PAMR1: variants seen among roughly 807,000 people sequenced by gnomAD.
PAMR1 encodes the protein inactive serine protease PAMR1.
Under a neutral mutation model 81.8 loss-of-function variants are expected in PAMR1, and 88 were observed. The ratio of observed to expected loss-of-function variants is 1.08; its 90% confidence interval spans 0.91 to 1.28. The LOEUF is 1.28. Ranked by LOEUF, PAMR1 falls within the 50% of genes most tolerant of loss-of-function variation. The pLI is 0.00. For synonymous variants in PAMR1, 336 were observed against 345.3 expected, an observed-to-expected ratio of 0.97 and a Z score of 0.30; for missense variants, 935 against 919.7, an observed-to-expected ratio of 1.02 and a Z score of -0.21.
chr11:35,454,820 C>T (rs1856494681), intron 6 of PAMR1, among the ~76,000 whole-genome samples: 1 of 152,140 alleles, frequency 6.6e-6, no homozygotes, highest in Admixed American at 6.5e-5. Flanking sequence ...TTCCAACCTC[C>T]ACAAATATGC....
intron 1 of PAMR1, among the ~76,000 whole-genome samples, chr11:35,523,962 C>T (rs1329646470): frequency 6.6e-6 from 1 of 152,076 alleles, no homozygotes; most frequent in Non-Finnish European, 1.5e-5. Flanking sequence ...TTCTTTTAAA[C>T]TTTTATGGCT....
chr11:35,445,156 T>C (rs1445945811), intron 6 of PAMR1, among the ~76,000 whole-genome samples: 1 of 152,234 alleles, frequency 6.6e-6, no homozygotes, highest in South Asian at 2.1e-4. Context: ...GTTGTTGATG[T>C]ATAGGAATGC....
rs1477765854 is a variant in PAMR1, at chr11:35,525,529, G to A, written c.57C>T (p.Ile19=). ...TCACAGTACCTCTTGGCAAGGACGA[G>A]ATGAGAAGGAGCTGAAGAAAAGTGA... ...LGLTFLQLLL[I]SSLPREYTVI... The change falls in exon 1 of 11, where the codon ATC becomes ATT. Residue 19 remains isoleucine, a synonymous_variant. Coordinates refer to ENST00000619888, the MANE Select transcript of PAMR1 (RefSeq NM_001001991.3). 2.5e-6 allele frequency: 4 copies of A among 1,613,974 alleles called. No individual in the cohort carries two copies. The highest frequency in any genetic ancestry group is 2.2e-5 in the East Asian group (1 of 44,854).
chr11:35,524,933 T>C (rs1851356427), intron 1 of PAMR1, among the ~76,000 whole-genome samples: 1 of 152,222 alleles, frequency 6.6e-6, no homozygotes, highest in Non-Finnish European at 1.5e-5. Context: ...GGCTTTTTCT[T>C]CTTTCTCACT....
intron 3 of PAMR1, among the ~76,000 whole-genome samples, chr11:35,475,605 G>A (rs1023602549): frequency 2.0e-5 from 3 of 152,120 alleles, no homozygotes; most frequent in Admixed American, 6.5e-5. Flanking sequence ...AAAAGTTTGG[G>A]GAAAATGTCT....
At chr11:35,438,129 T>G (rs1435418742) in intron 8 of PAMR1, among the ~76,000 whole-genome samples, 1 of 152,220 alleles carries the variant, frequency 6.6e-6, no homozygotes, top group East Asian at 1.9e-4. Context: ...ACTCAAAGTA[T>G]AGTGCATACG....
At chr11:35,469,804 T>G (rs1373887813) in intron 5 of PAMR1, among the ~76,000 whole-genome samples, 1 of 87,142 alleles carries the variant, frequency 1.1e-5, no homozygotes, top group Non-Finnish European at 2.9e-5. Context: ...TTAATTCAGT[T>G]TTTTTTTTTA....
chr11:35,489,552 A>G (rs376062255), intron 3 of PAMR1, among the ~76,000 whole-genome samples: 6 of 152,264 alleles, frequency 3.9e-5, no homozygotes, highest in African/African-American at 1.4e-4. Context: ...CCCCAGATTA[A>G]ACCATCCTTC....
rs1251509659 is a variant in PAMR1 at position 35,441,666 on chromosome 11, G to C, written c.848C>G (p.Pro283Arg). 6.2e-7 allele frequency: 1 copy of C among 1,612,704 alleles called. No homozygotes were observed. Among genetic ancestry groups the C allele is most frequent in the Admixed American group, 1.7e-5 (1 of 59,782 alleles). ...NLLEERNCSDPGGPVNGYQKI... is the reference protein window; with the variant it reads ...NLLEERNCSDRGGPVNGYQKI... ...CTGGTACCCATTGACTGGGCCCCCA[G>C]GGTCTGAGCAGTTTCTTTCTTCAAG... The change falls in exon 7 of 11, where the codon CCT becomes CGT. Residue 283 changes from proline to arginine, a missense_variant. Coordinates refer to ENST00000619888, the MANE Select transcript of PAMR1 (RefSeq NM_001001991.3).
At position 35,523,798 on chromosome 11, in the gene PAMR1, C is replaced by T. The variant is rs1238605508; in HGVS notation, c.73+1715G>A. 3.3e-5 allele frequency among the ~76,000 whole-genome samples: 5 copies of T among 152,176 alleles called. No individual in the cohort carries two copies. In the East Asian group the frequency reaches 5.8e-4, roughly 18 times the overall value. On this transcript the variant is annotated intron_variant, in intron 1 of 10. Coordinates refer to ENST00000619888, the MANE Select transcript of PAMR1 (RefSeq NM_001001991.3). ...TATCCTTGCTAAACACATGAAGCTGCGCTCTGGTTCAGGCAGCAGTTTAGC... is the reference window on the plus strand; with the variant it reads ...TATCCTTGCTAAACACATGAAGCTGTGCTCTGGTTCAGGCAGCAGTTTAGC...
intron 6 of PAMR1, among the ~76,000 whole-genome samples, chr11:35,455,976 A>C (rs1327486163): frequency 3.9e-5 from 6 of 152,052 alleles, no homozygotes; most frequent in Admixed American, 3.3e-4. Flanking sequence ...ACCCAACACA[A>C]TCTTTTTCAA....
In PAMR1 at chr11:35,432,819, A is replaced by G; in HGVS notation, c.1700T>C (p.Leu567Pro). The change falls in exon 11 of 11, where the codon CTA (leucine) becomes CCA (proline). Residue 567 changes from leucine (L) to proline (P), a missense_variant. Leu to Pro is a moderately conservative substitution (Grantham distance 98). Transcript: ENST00000619888. The stretch of plus-strand genomic sequence containing the variant: ...TCGGGTGCTGATACGGGCCTTGTCT[A>G]GGAGCTTCAGGATGGCGATGTCAGC... Reference protein sequence around the residue: ...LDADIAILKLLDKARISTRVQ... With the variant: ...LDADIAILKLPDKARISTRVQ... 6.2e-7 allele frequency: 1 copy of G among 1,605,176 alleles called. No individual in the cohort carries two copies. The highest frequency in any genetic ancestry group is 8.5e-7 in the Non-Finnish European group (1 of 1,179,852).
At chr11:35,444,035 A>G (rs1438775613) in intron 6 of PAMR1, among the ~76,000 whole-genome samples, 2 of 152,188 alleles carry the variant, frequency 1.3e-5, no homozygotes, top group Non-Finnish European at 2.9e-5. Context: ...CCATATAGCC[A>G]AGACAATCCT....
At chr11:35,437,555 G>A (rs1856078209) in intron 8 of PAMR1, among the ~76,000 whole-genome samples, 1 of 152,236 alleles carries the variant, frequency 6.6e-6, no homozygotes, top group Admixed American at 6.5e-5. Context: ...GGCTATGGAA[G>A]GTCTACACTG....
In PAMR1 at chr11:35,479,698, G is replaced by A. The variant is rs147166688; in HGVS notation, c.380-4954C>T. 1.3e-3 allele frequency among the ~76,000 whole-genome samples: 199 copies of A among 152,306 alleles called. 1 individual carries two copies. Among genetic ancestry groups the A allele is most frequent in the African/African-American group, 4.4e-3 (181 of 41,564 alleles). On this transcript the variant is annotated intron_variant, in intron 3 of 10. Coordinates refer to ENST00000619888, the MANE Select transcript of PAMR1 (RefSeq NM_001001991.3). ...GGATTAGATGATGAAGACCCTAAGG[G>A]CTCTCACATCAAGAGATGGTTTCGT...
chr11:35,507,043 T>C (rs76676257), intron 1 of PAMR1, among the ~76,000 whole-genome samples: 586 of 44,372 alleles, frequency 0.013, 49 homozygotes, highest in African/African-American at 0.057. Context: ...GCCTGACTTT[T>C]TTTTTTTTTT....
At chr11:35,456,981 C>T (rs562475218) in intron 6 of PAMR1, among the ~76,000 whole-genome samples, 1 of 152,124 alleles carries the variant, frequency 6.6e-6, no homozygotes, top group South Asian at 2.1e-4. Flanking sequence ...GATAATGCAA[C>T]CCTAAAATAT....
intron 1 of PAMR1, among the ~76,000 whole-genome samples, chr11:35,514,559 C>T (rs1394343885): frequency 6.6e-6 from 1 of 152,210 alleles, no homozygotes; most frequent in African/African-American, 2.4e-5. Context: ...TGCCATTATC[C>T]TCAACAACTG....
chr11:35,501,902 G>A (rs1850853084), intron 1 of PAMR1, among the ~76,000 whole-genome samples: 2 of 152,168 alleles, frequency 1.3e-5, no homozygotes, highest in South Asian at 4.1e-4. Flanking sequence ...CATAAGAGTG[G>A]AGATGTCTCT....
Sources: allele counts gnomAD v4.1 joint callset (sites outside exome capture counted in the v4.1 genomes callset), GRCh38; gene constraint gnomAD v4.1.1; transcripts MANE v1.5; gene names NCBI Gene and HGNC (gene_info 2026-07-23, HGNC 2026-07-21).